The following ARVCF variants were observed in gnomAD, a reference collection of about 807,000 sequenced individuals.
The protein encoded by ARVCF is ARVCF delta catenin family member.
In ARVCF, 66 loss-of-function variants were observed where a neutral mutation model predicts 90.9. The ratio of observed to expected loss-of-function variants is 0.73; its 90% CI spans 0.60 to 0.89. The LOEUF (loss-of-function observed/expected upper bound fraction) is 0.89, where lower values mean the gene tolerates loss of function less well. ARVCF is among the 40% of genes least tolerant of loss of function. The probability of loss-of-function intolerance (pLI) is 0.00; values close to 1 mark genes in which losing one functional copy is unlikely to be tolerated. For missense variants in ARVCF, 1,469 were observed against 1,382.3 expected (o/e 1.06, Z -1.00); for synonymous variants, 653 against 603.4 (o/e 1.08, Z -1.21).
At chr22:19,990,973 C>T (rs1197891148) in intron 2 of ARVCF, among the ~76,000 whole-genome samples, 161 bp from the exon 3 acceptor site, 2 of 152,262 alleles carry the variant, frequency 1.3e-5, no homozygotes. Context: ...AATTAAAAGC[C>T]ATTAATCCGA....
chr22:19,998,607 G>A (rs1048122188), intron 2 of ARVCF, among the ~76,000 whole-genome samples: 3 of 152,170 alleles, frequency 2.0e-5, no homozygotes, highest in African/African-American at 7.2e-5. Context: ...TGCAGGAGCT[G>A]GGGGGTTCCT....
At chr22:19,968,538 A>T (rs550339713), downstream of ARVCF, 119 of 1,608,916 alleles carry the variant, frequency 7.4e-5, 1 homozygote, top group South Asian at 1.3e-3. Context: ...GTTTGCAGGA[A>T]TGTGGCCTGC....
intron 2 of ARVCF, among the ~76,000 whole-genome samples, chr22:20,009,986 TCAAA>T (rs1257171987): frequency 6.6e-6 from 1 of 152,240 alleles, no homozygotes; most frequent in Non-Finnish European, 1.5e-5. Context: ...TCAGACCTTT[TCAAA>T]CAAAGTTTTG....
chr22:20,016,170 C>T (rs2146541574), intron 1 of ARVCF, among the ~76,000 whole-genome samples: 1 of 152,274 alleles, frequency 6.6e-6, no homozygotes, highest in East Asian at 1.9e-4. Context: ...CAGGAAAGTT[C>T]CCGGCCTGCC....
intron 3 of ARVCF, among the ~76,000 whole-genome samples, chr22:19,989,477 T>C (rs564438571): frequency 1.3e-5 from 2 of 152,172 alleles, no homozygotes; most frequent in East Asian, 1.9e-4. Context: ...GAGCCCCACA[T>C]GCCCCAGCCA....
chr22:19,982,332 G>C (rs1486684430), intron 3 of ARVCF, among the ~76,000 whole-genome samples: 1 of 152,180 alleles, frequency 6.6e-6, no homozygotes, highest in Non-Finnish European at 1.5e-5. Flanking sequence ...ATCCTGGGGG[G>C]ACCCTGGGGC....
intron 1 of ARVCF, among the ~76,000 whole-genome samples, chr22:20,011,923 G>A (rs948045757): frequency 7.9e-5 from 12 of 151,884 alleles, no homozygotes; most frequent in South Asian, 2.1e-4. Context: ...CCACAGAACC[G>A]AGACACACTG....
intron 3 of ARVCF, among the ~76,000 whole-genome samples, chr22:19,987,570 C>G (rs1252387083): frequency 6.6e-6 from 1 of 152,086 alleles, no homozygotes; most frequent in African/African-American, 2.4e-5. Context: ...GGCAGGTGCC[C>G]GTGCTGCGAT....
Position 19,990,613 on chromosome 22 carries a change from G to A in ARVCF, c.182C>T (p.Pro61Leu). 6.2e-7 allele frequency: 1 copy of A among 1,609,524 alleles called. No homozygotes were observed. The change falls in exon 3 of 20, where the codon CCA (proline) becomes CTA (leucine). Residue 61 changes from proline to leucine, a missense_variant. Pro to Leu is a moderately conservative substitution (Grantham distance 98). Transcript: ENST00000263207. ...GAGGACCAGCTGTTGCCAGGCCATT[G>A]GCAGGGGCTGCCCACTGCCCATGCC... ...SGGMGSGQPL[P>L]MAWQQLVLQE...
In ARVCF at chr22:19,979,972, G is replaced by A. The variant is rs769335560; in HGVS notation, c.1167C>T (p.Asn389=). 1.4e-5 allele frequency: 22 copies of A among 1,595,880 alleles called. No homozygotes were observed. The highest frequency in any genetic ancestry group is 1.1e-4 in the African/African-American group (8 of 74,614). The change falls in exon 6 of 20, where the codon AAC becomes AAT. Residue 389 remains asparagine (N), a synonymous_variant. Coordinates refer to ENST00000263207, the MANE Select transcript of ARVCF (RefSeq NM_001670.3). ...AAYLQHLCFE[N]EGVKRRVRQL... Reference sequence around the variant, plus strand: ...GCCGTACACGCCGCTTGACACCCTCGTTCTCAAAGCACAGATGCTGCAGGT... The same window carrying A: ...GCCGTACACGCCGCTTGACACCCTCATTCTCAAAGCACAGATGCTGCAGGT...
At chr22:20,000,352 C>T (rs538556281) in intron 2 of ARVCF, among the ~76,000 whole-genome samples, 1 of 152,244 alleles carries the variant, frequency 6.6e-6, no homozygotes, top group Admixed American at 6.5e-5. Context: ...AGCTCCACTC[C>T]GGAGTGCCCA....
At chr22:20,005,561 T>C (rs966227129) in intron 2 of ARVCF, among the ~76,000 whole-genome samples, 1 of 152,192 alleles carries the variant, frequency 6.6e-6, no homozygotes, top group Admixed American at 6.5e-5. Flanking sequence ...GGCTCACGCC[T>C]GTAATCCCAA....
At chr22:19,997,861 C>T (rs76176552) in intron 2 of ARVCF, among the ~76,000 whole-genome samples, 1,864 of 152,348 alleles carry the variant, frequency 0.012, 41 homozygotes, top group African/African-American at 0.042. Flanking sequence ...ATTGCCTCCA[C>T]GGCTTACCGG....
intron 3 of ARVCF, 35 bp from the exon 4 acceptor site, chr22:19,982,126 C>A: frequency 6.2e-7 from 1 of 1,603,304 alleles, no homozygotes; most frequent in Non-Finnish European, 8.5e-7. Flanking sequence ...GGCAGGCCTG[C>A]TGCTCAGTCA....
At chr22:19,970,782 G>A in intron 19 of ARVCF, 39 bp from the exon 20 acceptor site, 2 of 1,293,246 alleles carry the variant, frequency 1.5e-6, no homozygotes, top group Non-Finnish European at 2.0e-6. Context: ...TGCAGCCACT[G>A]AGTGGCACAG....
chr22:19,981,628 T>C lies in ARVCF; in HGVS notation c.479A>G (p.Asp160Gly), dbSNP rs914740422. 2 of 1,608,866 alleles carry C rather than the reference T, an allele frequency of 1.2e-6. No homozygotes were observed. The highest frequency in any genetic ancestry group is 2.7e-5 in the African/African-American group (2 of 74,902). ...DGGPPLGPFADGALDRHFLLR... is the reference protein window; with the variant it reads ...DGGPPLGPFAGGALDRHFLLR... Reference sequence around the variant, plus strand: ...CAGGAAATGCCGGTCCAGGGCACCATCTGCAAAAGGGCCTAGTGGGGGGCC... The same window carrying C: ...CAGGAAATGCCGGTCCAGGGCACCACCTGCAAAAGGGCCTAGTGGGGGGCC... Residue 160 changes from aspartate (D) to glycine (G), a missense_variant, in exon 5 of 20, where the codon GAT (aspartate) becomes GGT (glycine). Transcript: ENST00000263207.
At chr22:20,014,843 C>G (rs900835571) in intron 1 of ARVCF, among the ~76,000 whole-genome samples, 1 of 152,194 alleles carries the variant, frequency 6.6e-6, no homozygotes, top group African/African-American at 2.4e-5. Context: ...TCATGCTCCC[C>G]CAGGCCAGAC....
At chr22:19,969,862 CT>C (rs1486536699), downstream of ARVCF, 1 of 985,488 alleles carries the variant, frequency 1.0e-6, no homozygotes, top group East Asian at 1.1e-4. Context: ...AAGCCAGCCA[CT>C]TGTGCCAGAC....
rs1359773694 is a variant in ARVCF, at chr22:19,982,083, G to A, written c.219C>T (p.Ser73=). ...TGGCCAGTGAGGCCTGGCTGCCTGG[G>A]CTCTGCTCCTGGGGCAAGGAGGGAC... is the stretch of plus-strand genomic sequence containing the variant. ...AWQQLVLQEQ[S]PGSQASLATM... The change falls in exon 4 of 20, where the codon AGC becomes AGT. Residue 73 remains serine (S), a synonymous_variant. Coordinates refer to ENST00000263207, the MANE Select transcript of ARVCF (RefSeq NM_001670.3). 4 of 1,611,390 alleles carry A rather than the reference G, an allele frequency of 2.5e-6. No individual in the cohort carries two copies. The highest frequency in any genetic ancestry group is 2.7e-5 in the African/African-American group (2 of 74,924).
Sources: gnomAD v4.1 joint callset for allele counts (sites outside exome capture counted in the v4.1 genomes callset) on GRCh38, gnomAD v4.1.1 for gene constraint, MANE v1.5 for transcripts, NCBI Gene and HGNC (gene_info 2026-07-23, HGNC 2026-07-21) for gene names.